POLR2F: variants seen among roughly 807,000 people sequenced by gnomAD.
POLR2F encodes the protein RNA polymerase II, I and III subunit F.
In POLR2F, 12 loss-of-function variants were observed where a neutral mutation model predicts 22.7. The ratio of observed to expected loss-of-function variants is 0.53; its 90% CI spans 0.34 to 0.86. The LOEUF is 0.86. Among genes scored for constraint, POLR2F ranks in the 40% least tolerant of loss-of-function variants. The probability of loss-of-function intolerance (pLI) is 0.02; values close to 1 mark genes in which losing one functional copy is unlikely to be tolerated. For missense variants in POLR2F, 126 were observed against 171.5 expected, an observed-to-expected ratio of 0.73 and a Z score of 1.48; for synonymous variants, 57 against 66.0, an observed-to-expected ratio of 0.86 and a Z score of 0.66.
Position 37,978,069 on chromosome 22 carries a change from C to T in POLR2F, c.293+10899C>T. 1 of 1,609,176 alleles carries T rather than the reference C, an allele frequency of 6.2e-7. No individual in the cohort carries two copies. The highest frequency in any genetic ancestry group is 8.5e-7 in the Non-Finnish European group (1 of 1,178,470). On this transcript the variant is annotated intron_variant, in intron 4 of 4. Transcript: ENST00000405557. This position sits in a 1 kb window ranked among gnomAD's most constrained non-coding sequence, Gnocchi z 5.0. The stretch of plus-strand genomic sequence containing the variant: ...GGTACTTGTAGTCCGGGTGGTCTTT[C>T]TTGTGCTGCATACGGAGCCGCTCAG...
intron 1 of POLR2F, among the ~76,000 whole-genome samples, chr22:38,012,117 T>C (rs1470395551): frequency 6.6e-6 from 1 of 151,254 alleles, no homozygotes; most frequent in African/African-American, 2.4e-5. Flanking sequence ...AGTCTTGCTC[T>C]GTCGCCTAGG....
At chr22:37,998,587 C>T (rs950978575) in intron 1 of POLR2F, among the ~76,000 whole-genome samples, 1 of 152,108 alleles carries the variant, frequency 6.6e-6, no homozygotes, top group Non-Finnish European at 1.5e-5. Context: ...AGCCCCTGTT[C>T]CTTCCAGACT....
At position 37,978,154 on chromosome 22, in the gene POLR2F, C is replaced by A. The variant is rs374481457; in HGVS notation, c.293+10984C>A. 6.5e-7 allele frequency: 1 copy of A among 1,534,660 alleles called. No homozygotes were observed. The stretch of plus-strand genomic sequence containing the variant: ...CAGCAGCCTGGGGTGTGGTGGGAGG[C>A]GGAGAGGACAGCAGAGGGGCTGGCG... On this transcript the variant is annotated intron_variant, in intron 4 of 4. Coordinates refer to the POLR2F transcript ENST00000405557. This position sits in a 1 kb window ranked among gnomAD's most constrained non-coding sequence, Gnocchi z 5.0.
upstream of POLR2F, chr22:37,983,935 G>GATGTGGGATAACCTTGCCT: frequency 1.9e-6 from 1 of 520,806 alleles, no homozygotes; most frequent in African/African-American, 2.1e-5. The surrounding 1 kb of genome is among the most constrained non-coding windows in gnomAD (Gnocchi z 9.5). Context: ...GAGACAGGAC[G>GATGTGGGATAACCTTGCCT]TGGGCACAGC....
chr22:37,996,721 G>A (rs1298562444), intron 1 of POLR2F, among the ~76,000 whole-genome samples: 1 of 152,164 alleles, frequency 6.6e-6, no homozygotes, highest in Non-Finnish European at 1.5e-5. Flanking sequence ...ACCTTGGGTG[G>A]GGCACAGCCC....
intron 4 of POLR2F, among the ~76,000 whole-genome samples, chr22:37,975,620 C>G (rs1485500282): frequency 6.6e-6 from 1 of 152,184 alleles, no homozygotes; most frequent in Non-Finnish European, 1.5e-5. Flanking sequence ...CCTGTGCCTC[C>G]TTCATCAGAC....
At chr22:38,022,055 C>T (rs554944683) in intron 1 of POLR2F, among the ~76,000 whole-genome samples, 2 of 150,616 alleles carry the variant, frequency 1.3e-5, no homozygotes, top group African/African-American at 4.9e-5. Context: ...CACTTGAACC[C>T]GGGATGTGGA....
At position 37,974,630 on chromosome 22, in the gene POLR2F, A is replaced by T. The variant is rs1330718153; in HGVS notation, c.293+7460A>T. 6.6e-6 allele frequency among the ~76,000 whole-genome samples: 1 copy of T among 152,060 alleles called. No homozygotes were observed. The highest frequency in any genetic ancestry group is 1.5e-5 in the Non-Finnish European group (1 of 68,002). Reference sequence around the variant, plus strand: ...GGCCTCCCAAAGTGCTGGGATTACCATCATGAGCCACTGCGCCCCACAGCA... The same window carrying T: ...GGCCTCCCAAAGTGCTGGGATTACCTTCATGAGCCACTGCGCCCCACAGCA... On this transcript the variant is annotated intron_variant, in intron 4 of 4. Transcript: ENST00000405557. This position sits in a 1 kb window ranked among gnomAD's most constrained non-coding sequence, Gnocchi z 5.4.
chr22:37,999,792 G>T (rs1217976345), intron 1 of POLR2F, among the ~76,000 whole-genome samples: 1 of 152,206 alleles, frequency 6.6e-6, no homozygotes, highest in Non-Finnish European at 1.5e-5. Context: ...GTCATAACTG[G>T]CAGGTTCAGA....
rs746417333 is a variant in POLR2F at position 38,017,974 on chromosome 22, C to T, written c.121-7895C>T. Among the ~76,000 whole-genome samples, 24 of 152,194 alleles carry T rather than the reference C, an allele frequency of 1.6e-4. No homozygotes were observed. Among genetic ancestry groups the T allele is most frequent in the Non-Finnish European group, 2.9e-4 (20 of 68,036 alleles). On this transcript the variant is annotated intron_variant, in intron 1 of 2. Transcript: ENST00000333418. The surrounding 1 kb of genome is among the most constrained non-coding windows in gnomAD (Gnocchi z 4.1). The stretch of plus-strand genomic sequence containing the variant: ...ACATAACAGAGGCTATAATGTGGGC[C>T]CTATAACGTGGCCATAAGGTGGAAC...
intron 1 of POLR2F, among the ~76,000 whole-genome samples, chr22:38,011,301 TG>T (rs2084869969): frequency 6.6e-6 from 1 of 151,592 alleles, no homozygotes. Context: ...GGCAAGGTTT[TG>T]CCATATTGCC....
chr22:38,004,420 A>G (rs1224365310), intron 1 of POLR2F, among the ~76,000 whole-genome samples: 1 of 152,156 alleles, frequency 6.6e-6, no homozygotes, highest in Non-Finnish European at 1.5e-5. Context: ...AGGTGGTAAT[A>G]ACACCCTTGC....
chr22:38,026,241 C>T (rs767138802), intron 2 of POLR2F: 2 of 533,178 alleles, frequency 3.8e-6, no homozygotes, highest in East Asian at 5.5e-5. Flanking sequence ...CTGAGCAGAA[C>T]ACTCAATTTC....
intron 1 of POLR2F, among the ~76,000 whole-genome samples, chr22:37,954,463 T>G (rs1931279945): frequency 6.6e-6 from 1 of 152,126 alleles, no homozygotes; most frequent in Non-Finnish European, 1.5e-5. Context: ...CCACCACGCC[T>G]TGCTAATTGC....
At chr22:38,030,068 G>A (rs746837491), downstream of POLR2F, among the ~76,000 whole-genome samples, 11 of 152,234 alleles carry the variant, frequency 7.2e-5, no homozygotes, top group East Asian at 3.8e-4. Context: ...TGGCTCAAGC[G>A]TGGGGGCAGC....
At chr22:37,967,229 C>T in intron 4 of POLR2F, 59 bp downstream of exon 4, 1 of 1,602,552 alleles carries the variant, frequency 6.2e-7, no homozygotes, top group South Asian at 1.1e-5. Context: ...CTGTTGGGCT[C>T]TCTGTTGCAC....
downstream of POLR2F, chr22:38,041,905 T>C (rs950964792): frequency 6.6e-6 from 1 of 152,210 alleles, no homozygotes; most frequent in Non-Finnish European, 1.5e-5. Flanking sequence ...AAAGCTGTTA[T>C]CAAAAAGCAA....
downstream of POLR2F, chr22:37,973,402 C>A (rs911253769): frequency 2.5e-5 from 21 of 848,984 alleles, no homozygotes; most frequent in African/African-American, 3.2e-4. Flanking sequence ...TCAGCCTCCT[C>A]CACTGCCACC....
In POLR2F at chr22:37,997,347, C is replaced by T. The variant is rs192038309; in HGVS notation, c.120+11035C>T. Among the ~76,000 whole-genome samples the T allele has an allele frequency of 3.2e-3, 491 of 152,210 alleles. No homozygotes were observed. Among genetic ancestry groups the T allele is most frequent in the Admixed American group, 6.3e-3 (97 of 15,296 alleles). ...TCTGGGAAGCTTTTTAATTTTGACC[C>T]CACATCCCACAGTTGGTCGCTCCTG... is the stretch of plus-strand genomic sequence containing the variant. On this transcript the variant is annotated intron_variant, in intron 1 of 2. Coordinates refer to the POLR2F transcript ENST00000333418. This position sits in a 1 kb window ranked among gnomAD's most constrained non-coding sequence, Gnocchi z 4.4.
Sources: allele counts gnomAD v4.1 joint callset (sites outside exome capture counted in the v4.1 genomes callset), GRCh38; gene constraint gnomAD v4.1.1; non-coding constraint Gnocchi (gnomAD v3.1); transcripts MANE v1.5; gene names NCBI Gene and HGNC (gene_info 2026-07-23, HGNC 2026-07-21).